The following P2RY12 variants were observed in gnomAD, a reference collection of about 807,000 sequenced individuals.
P2RY12 encodes P2Y purinoceptor 12.
In P2RY12, 3 loss-of-function variants were observed where a neutral mutation model predicts 4.5. The observed-to-expected ratio is 0.67, with a 90% CI of 0.31 to 1.74. The LOEUF is 1.74. Among genes scored for constraint, P2RY12 ranks in the 40% most tolerant of loss-of-function variants. The probability of loss-of-function intolerance (pLI) is 0.09; values close to 1 mark genes in which losing one functional copy is unlikely to be tolerated. For synonymous variants in P2RY12, 148 were observed against 154.1 expected (o/e 0.96, Z 0.29); for missense variants, 356 against 407.8 (o/e 0.87, Z 1.09).
At chr3:151,350,275 CAAA>C in intron 1 of P2RY12, 1 of 1,507,860 alleles carries the variant, frequency 6.6e-7, no homozygotes. Context: ...CAGTCTTTAT[CAAA>C]GTGTTCTATG....
intron 1 of P2RY12, among the ~76,000 whole-genome samples, chr3:151,381,207 A>G (rs955690284): frequency 1.3e-5 from 2 of 152,170 alleles, no homozygotes; most frequent in Non-Finnish European, 2.9e-5. Context: ...CTGTGTTTCT[A>G]TGACACCATG....
intron 1 of P2RY12, chr3:151,367,502 T>C (rs1755429623): frequency 1.6e-6 from 1 of 639,702 alleles, no homozygotes; most frequent in East Asian, 3.0e-5. Flanking sequence ...AGGATAATCA[T>C]CATGATATGT....
At chr3:151,350,887 A>G (rs1753151347) in intron 1 of P2RY12, among the ~76,000 whole-genome samples, 1 of 152,136 alleles carries the variant, frequency 6.6e-6, no homozygotes, top group African/African-American at 2.4e-5. Context: ...GTAATTATCC[A>G]CTTCACGTTT....
chr3:151,340,408 G>A (rs544994126), intron 2 of P2RY12, among the ~76,000 whole-genome samples, 188 bp downstream of exon 2: 10 of 152,072 alleles, frequency 6.6e-5, no homozygotes, highest in African/African-American at 2.2e-4. Context: ...TTAATAAAGA[G>A]GCTAATTAAC....
At chr3:151,357,349 C>A in intron 1 of P2RY12, 2 of 1,612,556 alleles carry the variant, frequency 1.2e-6, no homozygotes, top group Non-Finnish European at 8.5e-7. Flanking sequence ...ATCTTGAATC[C>A]TGATCAGACA....
At chr3:151,372,730 A>T (rs1265891074) in intron 1 of P2RY12, 1 of 1,613,756 alleles carries the variant, frequency 6.2e-7, no homozygotes. Context: ...ATTTAAGAGA[A>T]TACGCTAGAT....
At chr3:151,349,339 G>C (rs1752945988) in intron 1 of P2RY12, among the ~76,000 whole-genome samples, 1 of 152,176 alleles carries the variant, frequency 6.6e-6, no homozygotes, top group Non-Finnish European at 1.5e-5. Context: ...GTCAGAACAT[G>C]TTTGCATTTT....
chr3:151,382,650 T>A (rs951130520), intron 1 of P2RY12: 2 of 1,601,732 alleles, frequency 1.2e-6, no homozygotes, highest in African/African-American at 2.7e-5. Context: ...TTTTTCCGGA[T>A]CTTAGATTTT....
In P2RY12 at chr3:151,361,016, TAGAA is replaced by T. The variant is rs368683573; in HGVS notation, c.-179-20260_-179-20257del. 6.8e-3 allele frequency among the ~76,000 whole-genome samples: 1,041 copies of T among 152,286 alleles called. 9 individuals carry two copies. Among genetic ancestry groups the T allele is most frequent in the South Asian group, 0.023 (111 of 4,826 alleles). On this transcript the variant is annotated intron_variant, in intron 1 of 2. Coordinates refer to ENST00000302632, the MANE Select transcript of P2RY12 (RefSeq NM_022788.5). ...AATTCAATTTGGATTATAAATCTAA[TAGAA>T]AGATCAATGAGGCAGCTCTTTGTAT...
At chr3:151,378,176 G>C (rs1336295236) in intron 1 of P2RY12, 12 of 1,597,548 alleles carry the variant, frequency 7.5e-6, no homozygotes, top group Non-Finnish European at 1.0e-5. Context: ...CAGAAAAGGT[G>C]TGGCTGGAAG....
chr3:151,368,128 T>C (rs1386173779), intron 1 of P2RY12: 2 of 1,604,894 alleles, frequency 1.2e-6, no homozygotes, highest in South Asian at 2.2e-5. Flanking sequence ...GAAAACTTGC[T>C]TTTCCAATCC....
chr3:151,345,647 A>G (rs538907464), intron 1 of P2RY12, among the ~76,000 whole-genome samples: 2 of 150,928 alleles, frequency 1.3e-5, no homozygotes, highest in East Asian at 3.9e-4. Flanking sequence ...CCTCCCGAGT[A>G]GCTGAAATTA....
At chr3:151,365,821 A>G in intron 1 of P2RY12, 3 of 1,575,328 alleles carry the variant, frequency 1.9e-6, no homozygotes, top group Non-Finnish European at 2.6e-6. Context: ...GTACAAGGTT[A>G]CTTTCTGTGT....
intron 1 of P2RY12, among the ~76,000 whole-genome samples, chr3:151,373,490 C>A (rs1383001695): frequency 6.6e-6 from 1 of 152,016 alleles, no homozygotes; most frequent in Non-Finnish European, 1.5e-5. Flanking sequence ...TTTAACTCCC[C>A]CACCCCTCAT....
chr3:151,356,720 T>C lies in P2RY12; in HGVS notation c.-179-15960A>G, dbSNP rs183431091. 1.5e-3 allele frequency among the ~76,000 whole-genome samples: 223 copies of C among 152,328 alleles called. 3 individuals are homozygous for C. Among genetic ancestry groups the C allele is most frequent in the Non-Finnish European group, 2.1e-4 (14 of 68,020 alleles). ...TTGCTCTTTATAATAGAGCATGTTT[T>C]AGGTTAAGAGCCAGAACAAACCTTA... On this transcript the variant is annotated intron_variant, in intron 1 of 2. Coordinates refer to ENST00000302632, the MANE Select transcript of P2RY12 (RefSeq NM_022788.5).
At chr3:151,376,374 TG>T (rs1196186184) in intron 1 of P2RY12, among the ~76,000 whole-genome samples, 1 of 152,210 alleles carries the variant, frequency 6.6e-6, no homozygotes, top group Non-Finnish European at 1.5e-5. Context: ...TATTTTTGGG[TG>T]GATGTACATG....
At chr3:151,352,193 A>G (rs1436762870) in intron 1 of P2RY12, among the ~76,000 whole-genome samples, 5 of 152,216 alleles carry the variant, frequency 3.3e-5, no homozygotes, top group Non-Finnish European at 5.9e-5. Context: ...TTGTGTGTCT[A>G]CATTTTGACT....
At chr3:151,346,449 C>T (rs1752546820) in intron 1 of P2RY12, among the ~76,000 whole-genome samples, 1 of 152,162 alleles carries the variant, frequency 6.6e-6, no homozygotes, top group Admixed American at 6.6e-5. Context: ...ATTTCATCAT[C>T]ACCTCTTACT....
At chr3:151,375,973 A>G in intron 1 of P2RY12, 2 of 940,944 alleles carry the variant, frequency 2.1e-6, no homozygotes, top group Non-Finnish European at 3.1e-6. Flanking sequence ...CATATTGCAT[A>G]TATATATACC....
Sources: allele counts gnomAD v4.1 joint callset (sites outside exome capture counted in the v4.1 genomes callset), GRCh38; gene constraint gnomAD v4.1.1; transcripts MANE v1.5; gene names NCBI Gene and HGNC (gene_info 2026-07-23, HGNC 2026-07-21).